The following ALPL variants were observed in gnomAD, a reference collection of about 807,000 sequenced individuals.
ALPL encodes alkaline phosphatase, biomineralization associated.
A neutral mutation model predicts 51.3 loss-of-function variants in ALPL; 42 were observed. That is an observed-to-expected ratio of 0.82 (90% CI 0.64 to 1.06). The LOEUF (loss-of-function observed/expected upper bound fraction) is 1.06. ALPL is among the 50% of genes least tolerant of loss of function. The pLI is 0.00. For synonymous variants in ALPL, 279 were observed against 296.4 expected (o/e 0.94, Z 0.60); for missense variants, 589 against 709.4 (o/e 0.83, Z 1.93).
chr1:21,565,746 A>AC (rs1281274188), intron 6 of ALPL, among the ~76,000 whole-genome samples: 3 of 145,612 alleles, frequency 2.1e-5, no homozygotes, highest in South Asian at 2.2e-4. Context: ...CTCCGTCACC[A>AC]CCCCCCCAAA....
chr1:21,554,815 GTCTT>G (rs60858822), intron 2 of ALPL, among the ~76,000 whole-genome samples: 1,795 of 83,490 alleles, frequency 0.021, 30 homozygotes, highest in African/African-American at 0.05. Context: ...CTGTCTGTCT[GTCTT>G]TCTTTCTTTC....
intron 6 of ALPL, among the ~76,000 whole-genome samples, chr1:21,566,563 T>A (rs1432002223): frequency 1.3e-5 from 2 of 152,092 alleles, no homozygotes; most frequent in Non-Finnish European, 2.9e-5. Flanking sequence ...AGTGCTGGCA[T>A]TATAGGCGTG....
Position 21,561,161 on chromosome 1 carries a change from G to A in ALPL, c.246G>A (p.Gly82=), listed in dbSNP as rs1644479721. The change falls in exon 4 of 12, where the codon GGG becomes GGA. Residue 82 remains glycine (G), a synonymous_variant. Transcript: ENST00000374840. ...AGGGTCAGCTCCACCACAACCCTGG[G>A]GAGGAGACCAGGCTGGAGATGGACA... ...ILKGQLHHNP[G]EETRLEMDKF... 1.9e-6 allele frequency: 3 copies of A among 1,613,570 alleles called. No homozygotes were observed. The highest frequency in any genetic ancestry group is 2.5e-6 in the Non-Finnish European group (3 of 1,179,896).
chr1:21,554,032 GT>G lies in ALPL; in HGVS notation c.-49del. On this transcript the variant is annotated 5_prime_UTR_variant, in exon 2 of 12. Transcript: ENST00000374840. ...TGCCAGCCCACCCCCTCCCACCCAC[GT>G]CGATTGCATCTCTGGGCTCCAGGGA... is the stretch of plus-strand genomic sequence containing the variant. 5 of 586,412 alleles carry G rather than the reference GT, an allele frequency of 8.5e-6. No homozygotes were observed. Among genetic ancestry groups the G allele is most frequent in the Non-Finnish European group, 1.6e-5 (5 of 308,982 alleles). The allele number at this position is 586,412 out of a possible 1,614,324, so 36.3% of individuals were successfully genotyped here.
chr1:21,574,238 A>G (rs1018130477), intron 9 of ALPL: 4 of 983,544 alleles, frequency 4.1e-6, no homozygotes, highest in Non-Finnish European at 4.8e-6. Context: ...TGGCGCTGCC[A>G]TCTGCTGGCG....
At position 21,510,791 on chromosome 1, in the gene ALPL, C is replaced by T. The variant is rs551231972; in HGVS notation, c.-105+1274C>T. On this transcript the variant is annotated intron_variant, in intron 1 of 11. Transcript: ENST00000374840. ...CTCTTTCCAACTGTTTAGTCCTCCC[C>T]ACCTGTGGGTGTCCCCACGCTGTCC... is the stretch of plus-strand genomic sequence containing the variant. 4.5e-4 allele frequency among the ~76,000 whole-genome samples: 69 copies of T among 152,340 alleles called. No homozygotes were observed. The Middle Eastern group carries it at 0.02, about 45-fold the overall frequency.
At chr1:21,529,162 T>C (rs971007428) in intron 1 of ALPL, among the ~76,000 whole-genome samples, 1 of 152,184 alleles carries the variant, frequency 6.6e-6, no homozygotes, top group African/African-American at 2.4e-5. Flanking sequence ...CTAGAAGCTT[T>C]GTGATTCTGA....
In ALPL at chr1:21,516,601, C is replaced by T. The variant is rs11581445; in HGVS notation, c.-105+7084C>T. 3.2e-3 allele frequency among the ~76,000 whole-genome samples: 492 copies of T among 152,286 alleles called. 4 individuals are homozygous for T. The highest frequency in any genetic ancestry group is 0.02 in the East Asian group (104 of 5,174). ...GAGAAGTAGACATGTTTGTTCCCTG[C>T]GGTGACCCATCCATCCATTCAAGGC... is the stretch of plus-strand genomic sequence containing the variant. On this transcript the variant is annotated intron_variant, in intron 1 of 11. Coordinates refer to ENST00000374840, the MANE Select transcript of ALPL (RefSeq NM_000478.6).
At chr1:21,538,441 C>T (rs1412684817) in intron 1 of ALPL, among the ~76,000 whole-genome samples, 2 of 152,220 alleles carry the variant, frequency 1.3e-5, no homozygotes, top group Admixed American at 6.5e-5. Context: ...AGCACTGTCT[C>T]TGGGAACACC....
intron 7 of ALPL, among the ~76,000 whole-genome samples, chr1:21,568,616 C>T (rs1011060749): frequency 6.6e-6 from 1 of 152,064 alleles, no homozygotes; most frequent in African/African-American, 2.4e-5. Context: ...ATGGGGGACG[C>T]CTGGCTCTGC....
chr1:21,557,107 AT>A (rs201276231), intron 2 of ALPL, among the ~76,000 whole-genome samples: 108 of 150,784 alleles, frequency 7.2e-4, no homozygotes, highest in African/African-American at 1.7e-3. Flanking sequence ...GCTATGTGCT[AT>A]TTTTTTTTCC....
In ALPL at chr1:21,564,620, C is replaced by A. The variant is rs1644537488; in HGVS notation, c.648+404C>A. Among the ~76,000 whole-genome samples the A allele has an allele frequency of 6.6e-6, 1 of 152,218 alleles. No individual in the cohort carries two copies. Among genetic ancestry groups the A allele is most frequent in the African/African-American group, 2.4e-5 (1 of 41,454 alleles). On this transcript the variant is annotated intron_variant, in intron 6 of 11. Transcript: ENST00000374840. This position sits in a 1 kb window ranked among gnomAD's most constrained non-coding sequence, Gnocchi z 5.8. ...AACCACCAGCATGCCCGGCAAAGAG[C>A]TGGTGTGTACAGTGGTTGGCTAGTG... is the stretch of plus-strand genomic sequence containing the variant.
Position 21,530,653 on chromosome 1 carries a change from C to T in ALPL, c.-105+21136C>T, listed in dbSNP as rs1256495558. On this transcript the variant is annotated intron_variant, in intron 1 of 11. Transcript: ENST00000374840. Reference sequence around the variant, plus strand: ...AGGAGAAGGGGCTATATGCCTAGGTCAGAATTCTTCAGACTGGGGTCTGGA... The same window carrying T: ...AGGAGAAGGGGCTATATGCCTAGGTTAGAATTCTTCAGACTGGGGTCTGGA... Among the ~76,000 whole-genome samples, 3 of 152,172 alleles carry T rather than the reference C, an allele frequency of 2.0e-5. No homozygotes were observed. The East Asian group carries it at 5.8e-4, about 29-fold the overall frequency.
rs539103711 is a variant in ALPL at position 21,564,958 on chromosome 1, C to T, written c.648+742C>T. Among the ~76,000 whole-genome samples, 10 of 152,310 alleles carry T rather than the reference C, an allele frequency of 6.6e-5. No homozygotes were observed. Among genetic ancestry groups the T allele is most frequent in the African/African-American group, 2.4e-4 (10 of 41,552 alleles). On this transcript the variant is annotated intron_variant, in intron 6 of 11. Coordinates refer to ENST00000374840, the MANE Select transcript of ALPL (RefSeq NM_000478.6). This position sits in a 1 kb window ranked among gnomAD's most constrained non-coding sequence, Gnocchi z 5.8. ...AGAAGTCATCCATGTGACGCTTACT[C>T]TCTGTTCTTAAGTGAGAATGCCCGG... is the stretch of plus-strand genomic sequence containing the variant.
At chr1:21,555,683 G>A (rs1644403612) in intron 2 of ALPL, among the ~76,000 whole-genome samples, 1 of 152,116 alleles carries the variant, frequency 6.6e-6, no homozygotes, top group African/African-American at 2.4e-5. Flanking sequence ...CTCCCAAAGT[G>A]CTGGGATTAC....
chr1:21,563,917 AC>A, intron 5 of ALPL, 123 bp from the exon 6 acceptor site: 1 of 1,256,310 alleles, frequency 8.0e-7, no homozygotes, highest in Non-Finnish European at 1.1e-6. Context: ...GGAGACTGAG[AC>A]CCGGGCAATC....
At chr1:21,541,678 G>A (rs951112090) in intron 1 of ALPL, among the ~76,000 whole-genome samples, 1 of 152,198 alleles carries the variant, frequency 6.6e-6, no homozygotes, top group Non-Finnish European at 1.5e-5. Context: ...TGGGAGCTTG[G>A]GGAGGAGCCG....
intron 4 of ALPL, among the ~76,000 whole-genome samples, chr1:21,562,848 A>G (rs1026819002): frequency 3.3e-5 from 5 of 152,034 alleles, no homozygotes; most frequent in South Asian, 2.1e-4. Flanking sequence ...CTGAGCCCCA[A>G]TCTTCCGCCG....
upstream of ALPL, chr1:21,509,357 CG>C (rs1406397457): frequency 4.9e-5 from 6 of 122,816 alleles, no homozygotes; most frequent in African/African-American, 1.8e-4. This position sits in a 1 kb window ranked among gnomAD's most constrained non-coding sequence, Gnocchi z 6.0. Context: ...GGGGAGGGGG[CG>C]GGCTGCCCGG....
Sources: allele counts gnomAD v4.1 joint callset (sites outside exome capture counted in the v4.1 genomes callset), GRCh38; gene constraint gnomAD v4.1.1; non-coding constraint Gnocchi (gnomAD v3.1); transcripts MANE v1.5; gene names NCBI Gene and HGNC (gene_info 2026-07-23, HGNC 2026-07-21).